IMMP2L: variants seen among roughly 807,000 people sequenced by gnomAD.
The protein encoded by IMMP2L is inner mitochondrial membrane peptidase subunit 2.
A neutral mutation model predicts 19.3 loss-of-function variants in IMMP2L; 18 were observed. The ratio of observed to expected loss-of-function variants is 0.93; its 90% CI spans 0.64 to 1.38. IMMP2L has a LOEUF of 1.38. IMMP2L is among the 40% of genes most tolerant of loss of function. The pLI is 0.00. For synonymous variants in IMMP2L, 76 were observed against 73.0 expected, an observed-to-expected ratio of 1.04 and a Z score of -0.21; for missense variants, 233 against 218.2, an observed-to-expected ratio of 1.07 and a Z score of -0.43.
chr7:110,847,928 C>G (rs1163006170), intron 5 of IMMP2L, among the ~76,000 whole-genome samples: 1 of 152,006 alleles, frequency 6.6e-6, no homozygotes, highest in African/African-American at 2.4e-5. Context: ...CAATCATAGA[C>G]CTAAATGTAA....
intron 3 of IMMP2L, among the ~76,000 whole-genome samples, chr7:111,152,402 T>A (rs1018782422): frequency 6.6e-6 from 1 of 152,098 alleles, no homozygotes. Flanking sequence ...TACTCCCTTT[T>A]CCCACTGAAT....
chr7:110,987,820 C>T (rs186744282), intron 3 of IMMP2L, among the ~76,000 whole-genome samples: 3 of 152,280 alleles, frequency 2.0e-5, no homozygotes, highest in East Asian at 1.9e-4. Flanking sequence ...AGAACCATTA[C>T]ATTCATTTAA....
intron 5 of IMMP2L, among the ~76,000 whole-genome samples, chr7:110,747,458 C>T (rs746566858): frequency 6.6e-5 from 10 of 151,996 alleles, no homozygotes; most frequent in Non-Finnish European, 1.3e-4. Context: ...AAGGAAATTT[C>T]AGGCCAATAT....
chr7:110,774,832 A>T (rs1799269735), intron 5 of IMMP2L, among the ~76,000 whole-genome samples: 1 of 152,078 alleles, frequency 6.6e-6, no homozygotes, highest in Admixed American at 6.6e-5. Flanking sequence ...CTAAGGACTC[A>T]TTTCTCATAA....
At chr7:110,734,986 C>T (rs1377822156) in intron 5 of IMMP2L, among the ~76,000 whole-genome samples, 1 of 152,164 alleles carries the variant, frequency 6.6e-6, no homozygotes, top group Non-Finnish European at 1.5e-5. Context: ...GTTCCCTTGA[C>T]AGGGAGAGGG....
intron 3 of IMMP2L, among the ~76,000 whole-genome samples, chr7:111,036,392 G>A (rs991402963): frequency 7.9e-5 from 12 of 152,072 alleles, no homozygotes; most frequent in African/African-American, 2.7e-4. Context: ...AAAAGTGTTC[G>A]CATTTGAGGA....
At position 110,727,813 on chromosome 7, in the gene IMMP2L, G is replaced by A. The variant is rs1024360406; in HGVS notation, c.409-64092C>T. Among the ~76,000 whole-genome samples the A allele has an allele frequency of 1.2e-4, 18 of 152,186 alleles. No individual in the cohort carries two copies. The highest frequency in any genetic ancestry group is 3.9e-4 in the African/African-American group (16 of 41,450). On this transcript the variant is annotated intron_variant, in intron 5 of 5. Transcript: ENST00000405709. This position sits in a 1 kb window ranked among gnomAD's most constrained non-coding sequence, Gnocchi z 4.3. The stretch of plus-strand genomic sequence containing the variant: ...GACTTACCTGAACTTATATCAAGGC[G>A]TAAGAAAAGAATTGCTTCACCGAGT...
intron 5 of IMMP2L, among the ~76,000 whole-genome samples, chr7:110,718,057 T>A (rs993196588): frequency 1.3e-5 from 2 of 152,064 alleles, no homozygotes; most frequent in African/African-American, 4.8e-5. Flanking sequence ...AAACCAGAAA[T>A]GGAGGAATTA....
At chr7:110,687,125 A>G (rs1316322689) in intron 5 of IMMP2L, among the ~76,000 whole-genome samples, 1 of 152,110 alleles carries the variant, frequency 6.6e-6, no homozygotes, top group Non-Finnish European at 1.5e-5. Context: ...TGAAATGGTC[A>G]CAGTGTAACC....
At chr7:111,556,106 G>T (rs1310324793) in intron 1 of IMMP2L, among the ~76,000 whole-genome samples, 2 of 147,006 alleles carry the variant, frequency 1.4e-5, no homozygotes, top group African/African-American at 4.9e-5. Context: ...CTCTCTAGGG[G>T]ATTCTAATAT....
chr7:110,673,666 GA>G (rs1792081174), intron 5 of IMMP2L, among the ~76,000 whole-genome samples: 1 of 152,118 alleles, frequency 6.6e-6, no homozygotes, highest in Non-Finnish European at 1.5e-5. Flanking sequence ...AGGGCAGGGG[GA>G]AAATGCCACC....
chr7:111,478,652 C>T (rs139316154), intron 3 of IMMP2L, among the ~76,000 whole-genome samples: 3,086 of 152,142 alleles, frequency 0.02, 107 homozygotes, highest in African/African-American at 0.07. Flanking sequence ...TCTCAAACTC[C>T]TGAGCTCAAG....
chr7:111,507,160 T>TC (rs1844996270), intron 2 of IMMP2L, among the ~76,000 whole-genome samples: 1 of 152,106 alleles, frequency 6.6e-6, no homozygotes, highest in Admixed American at 6.6e-5. Context: ...TAATAAAGAG[T>TC]CTTCCAGTCC....
At chr7:110,947,011 C>T (rs1006258335) in intron 4 of IMMP2L, among the ~76,000 whole-genome samples, 15 of 151,982 alleles carry the variant, frequency 9.9e-5, no homozygotes, top group East Asian at 3.9e-4. Flanking sequence ...TGAGCCACCG[C>T]GCCTGGCCTA....
At chr7:110,897,053 G>A (rs1457914907) in intron 4 of IMMP2L, among the ~76,000 whole-genome samples, 2 of 152,052 alleles carry the variant, frequency 1.3e-5, no homozygotes, top group African/African-American at 4.8e-5. Flanking sequence ...GGCCTCAAGT[G>A]ATCCTCTTGC....
chr7:111,226,408 T>A (rs1813108568), intron 3 of IMMP2L, among the ~76,000 whole-genome samples: 1 of 152,030 alleles, frequency 6.6e-6, no homozygotes, highest in Admixed American at 6.6e-5. Flanking sequence ...GCTCAAGCGA[T>A]CCTCCTGCCT....
At chr7:111,057,417 C>CA (rs57175268) in intron 3 of IMMP2L, among the ~76,000 whole-genome samples, 3,295 of 149,216 alleles carry the variant, frequency 0.022, 118 homozygotes, top group African/African-American at 0.076. Flanking sequence ...AGTCTAACAC[C>CA]AAAAAAAAAA....
intron 4 of IMMP2L, among the ~76,000 whole-genome samples, chr7:110,937,962 T>G (rs1365009811): frequency 6.6e-6 from 1 of 152,168 alleles, no homozygotes; most frequent in Non-Finnish European, 1.5e-5. Context: ...TCATATGAAG[T>G]GGCCTCTGTT....
chr7:110,774,573 A>T (rs1026073550), intron 5 of IMMP2L, among the ~76,000 whole-genome samples: 1 of 152,090 alleles, frequency 6.6e-6, no homozygotes, highest in African/African-American at 2.4e-5. Flanking sequence ...TTAGTCAATG[A>T]TGGACTGCAT....
Sources: gnomAD v4.1 joint callset for allele counts (sites outside exome capture counted in the v4.1 genomes callset) on GRCh38, gnomAD v4.1.1 for gene constraint, Gnocchi (gnomAD v3.1) non-coding constraint, MANE v1.5 for transcripts, NCBI Gene and HGNC (gene_info 2026-07-23, HGNC 2026-07-21) for gene names.